FOXP1: variants seen among roughly 807,000 people sequenced by gnomAD.
FOXP1 encodes forkhead box protein P1.
A neutral mutation model predicts 98.2 loss-of-function variants in FOXP1; 15 were observed. That is an observed-to-expected ratio of 0.15 (90% confidence interval 0.10 to 0.24). The LOEUF is 0.24. FOXP1 is among the 10% of genes least tolerant of loss of function. The pLI is 1.00. For synonymous variants in FOXP1, 371 were observed against 314.5 expected (o/e 1.18, Z -1.90); for missense variants, 633 against 848.5 (o/e 0.75, Z 3.15).
At chr3:71,460,401 C>G (rs759813474) in intron 3 of FOXP1, among the ~76,000 whole-genome samples, 1 of 151,384 alleles carries the variant, frequency 6.6e-6, no homozygotes, top group African/African-American at 2.4e-5. Flanking sequence ...CACCATGCCC[C>G]GCTAATTTTT....
chr3:71,126,748 C>A (rs1485488814), intron 6 of FOXP1, among the ~76,000 whole-genome samples: 1 of 151,060 alleles, frequency 6.6e-6, no homozygotes, highest in Non-Finnish European at 1.5e-5. Flanking sequence ...CCCTTGAACC[C>A]GTGAGATGGA....
intron 11 of FOXP1, among the ~76,000 whole-genome samples, chr3:71,027,708 C>T (rs1198640515): frequency 2.0e-5 from 3 of 152,128 alleles, no homozygotes; most frequent in African/African-American, 7.2e-5. Context: ...TTTCTGTATA[C>T]ACATATTAAT....
At chr3:71,567,916 A>C (rs2047026541) in intron 2 of FOXP1, 1 of 151,466 alleles carries the variant, frequency 6.6e-6, no homozygotes, top group Admixed American at 6.6e-5. Context: ...CTGAGATGGA[A>C]GATACAGTCA....
chr3:71,258,400 G>A (rs568573186), intron 5 of FOXP1, among the ~76,000 whole-genome samples: 1 of 152,312 alleles, frequency 6.6e-6, no homozygotes, highest in African/African-American at 2.4e-5. Flanking sequence ...TCAAGGGTAG[G>A]GCAAACAAAG....
chr3:71,082,319 T>C (rs1300610627), intron 7 of FOXP1, among the ~76,000 whole-genome samples: 1 of 149,966 alleles, frequency 6.7e-6, no homozygotes, highest in African/African-American at 2.5e-5. Context: ...ACGGTGCTGA[T>C]GTCTAGAACA....
intron 4 of FOXP1, among the ~76,000 whole-genome samples, chr3:71,319,608 T>G (rs1166365407): frequency 6.6e-6 from 1 of 152,090 alleles, no homozygotes; most frequent in Non-Finnish European, 1.5e-5. Flanking sequence ...ATACTCCCTG[T>G]CTCCACTTAT....
chr3:70,969,811 T>C (rs1249988799), intron 19 of FOXP1: 11 of 152,142 alleles, frequency 7.2e-5, no homozygotes, highest in African/African-American at 2.4e-4. Flanking sequence ...AGGACTGCAA[T>C]GGTATTGGAT....
chr3:71,555,950 GAAGAA>G lies in FOXP1; in HGVS notation c.-298+25594_-298+25598del, dbSNP rs539043047. Among the ~76,000 whole-genome samples, 5 of 151,984 alleles carry G rather than the reference GAAGAA, an allele frequency of 3.3e-5. No homozygotes were observed. The South Asian group carries it at 1.0e-3, about 32-fold the overall frequency. ...GAAAGAAGAGGAGGAGGAAGAGAAGGAAGAAAAGGAAAAAAAATTAAACAATTATA... is the reference window on the plus strand; with the variant it reads ...GAAAGAAGAGGAGGAGGAAGAGAAGGAAGGAAAAAAAATTAAACAATTATA... On this transcript the variant is annotated intron_variant, in intron 2 of 20. Transcript: ENST00000649528.
At chr3:71,529,724 G>A (rs1048073571) in intron 2 of FOXP1, among the ~76,000 whole-genome samples, 26 of 152,152 alleles carry the variant, frequency 1.7e-4, no homozygotes, top group Non-Finnish European at 2.6e-4. Flanking sequence ...TGAACATGTC[G>A]AGGTTCCTGG....
chr3:71,582,323 G>A (rs1559557557), intron 1 of FOXP1: 5 of 968,184 alleles, frequency 5.2e-6, no homozygotes, highest in East Asian at 1.2e-4. Flanking sequence ...GAAGGCGGAG[G>A]CAGCAAATGA....
intron 4 of FOXP1, among the ~76,000 whole-genome samples, chr3:71,310,723 G>A (rs982905779): frequency 1.3e-5 from 2 of 152,192 alleles, no homozygotes; most frequent in African/African-American, 2.4e-5. Context: ...AGCAGCGATC[G>A]TCTGTAGGAC....
At chr3:71,455,003 C>T (rs950228528) in intron 3 of FOXP1, among the ~76,000 whole-genome samples, 3 of 152,106 alleles carry the variant, frequency 2.0e-5, no homozygotes, top group African/African-American at 4.8e-5. Context: ...GAATAATCTG[C>T]AAAAACTTCA....
intron 5 of FOXP1, among the ~76,000 whole-genome samples, chr3:71,279,499 C>G (rs114783974): frequency 6.6e-6 from 1 of 152,092 alleles, no homozygotes; most frequent in Non-Finnish European, 1.5e-5. Context: ...AAATATCCCA[C>G]AAATCACAGC....
At chr3:71,368,464 C>A (rs1203379069) in intron 3 of FOXP1, among the ~76,000 whole-genome samples, 1 of 152,114 alleles carries the variant, frequency 6.6e-6, no homozygotes, top group Non-Finnish European at 1.5e-5. Context: ...CTCTTCATGA[C>A]ATGCAAAAGT....
At chr3:71,383,116 AATT>A (rs1302100911) in intron 3 of FOXP1, among the ~76,000 whole-genome samples, 1 of 152,220 alleles carries the variant, frequency 6.6e-6, no homozygotes, top group Non-Finnish European at 1.5e-5. Context: ...TTCCTCATCT[AATT>A]ATGAGATACC....
chr3:71,020,570 T>TA (rs2045279035), intron 11 of FOXP1, among the ~76,000 whole-genome samples: 1 of 152,318 alleles, frequency 6.6e-6, no homozygotes, highest in Non-Finnish European at 1.5e-5. Context: ...TAGTGATCCT[T>TA]ACACTGTTAG....
chr3:71,515,640 G>A (rs2042529085), intron 2 of FOXP1, among the ~76,000 whole-genome samples: 1 of 151,986 alleles, frequency 6.6e-6, no homozygotes, highest in Non-Finnish European at 1.5e-5. Context: ...GAGGGAGGGG[G>A]AGGAGAAAGG....
chr3:71,539,495 T>G (rs1450066641), intron 2 of FOXP1, among the ~76,000 whole-genome samples: 1 of 108,440 alleles, frequency 9.2e-6, no homozygotes, highest in Non-Finnish European at 2.0e-5. Flanking sequence ...CATCAATCTA[T>G]CGATTTCTGC....
chr3:71,121,829 GTGTTTAAA>G (rs2058797423), intron 6 of FOXP1, among the ~76,000 whole-genome samples: 1 of 152,206 alleles, frequency 6.6e-6, no homozygotes, highest in South Asian at 2.1e-4. Flanking sequence ...AGACTAGATT[GTGTTTAAA>G]AATAAATAAG....
Sources: gnomAD v4.1 joint callset for allele counts (sites outside exome capture counted in the v4.1 genomes callset) on GRCh38, gnomAD v4.1.1 for gene constraint, MANE v1.5 for transcripts, NCBI Gene and HGNC (gene_info 2026-07-23, HGNC 2026-07-21) for gene names.